Variants in KCNIP4 observed in about 807,000 individuals in gnomAD.
KCNIP4 encodes the protein potassium voltage-gated channel interacting protein 4, also known as Kv channel-interacting protein 4.
A neutral mutation model predicts 34.0 loss-of-function variants in KCNIP4; 12 were observed. The observed-to-expected ratio is 0.35, with a 90% confidence interval of 0.23 to 0.57. The LOEUF is 0.57. Among genes scored for constraint, KCNIP4 ranks in the 20% least tolerant of loss-of-function variants. The pLI is 0.83. For synonymous variants in KCNIP4, 124 were observed against 102.2 expected, an observed-to-expected ratio of 1.21 and a Z score of -1.29; for missense variants, 238 against 311.7, an observed-to-expected ratio of 0.76 and a Z score of 1.78.
At chr4:21,538,730 T>G (rs1737433880) in intron 1 of KCNIP4, among the ~76,000 whole-genome samples, 2 of 152,208 alleles carry the variant, frequency 1.3e-5, no homozygotes, top group Non-Finnish European at 2.9e-5. Context: ...GACTTGTGTT[T>G]CGGCATCTGA....
At chr4:21,914,515 C>A (rs1486602517) in intron 1 of KCNIP4, among the ~76,000 whole-genome samples, 3 of 152,108 alleles carry the variant, frequency 2.0e-5, no homozygotes, top group African/African-American at 7.2e-5. Flanking sequence ...GGTCTCTGCA[C>A]CATGTGTCTC....
chr4:21,463,040 G>T (rs1186066131), intron 1 of KCNIP4, among the ~76,000 whole-genome samples: 2 of 151,930 alleles, frequency 1.3e-5, no homozygotes, highest in African/African-American at 4.8e-5. Context: ...CCAGCAGTGG[G>T]ATTGCTGGAT....
At chr4:21,103,956 G>T (rs1270411062) in intron 1 of KCNIP4, among the ~76,000 whole-genome samples, 1 of 151,972 alleles carries the variant, frequency 6.6e-6, no homozygotes, top group South Asian at 2.1e-4. Context: ...GGTGTACATG[G>T]GCCACATTTT....
At chr4:21,203,515 A>G (rs1346747318) in intron 1 of KCNIP4, among the ~76,000 whole-genome samples, 2 of 152,176 alleles carry the variant, frequency 1.3e-5, no homozygotes, top group African/African-American at 2.4e-5. Context: ...ATGCCTCATT[A>G]AGAATGTTGT....
chr4:20,836,448 A>G (rs1719048357), intron 3 of KCNIP4, among the ~76,000 whole-genome samples: 1 of 152,180 alleles, frequency 6.6e-6, no homozygotes, highest in Non-Finnish European at 1.5e-5. Context: ...AGATGATTGG[A>G]TCTATGTCTA....
chr4:20,741,281 C>G (rs1751026479), intron 5 of KCNIP4, among the ~76,000 whole-genome samples: 1 of 152,124 alleles, frequency 6.6e-6, no homozygotes, highest in Non-Finnish European at 1.5e-5. Flanking sequence ...CTTCTCAGCA[C>G]TACGTCACAC....
At chr4:20,963,087 G>A (rs959008311) in intron 1 of KCNIP4, among the ~76,000 whole-genome samples, 2 of 151,942 alleles carry the variant, frequency 1.3e-5, no homozygotes, top group Non-Finnish European at 2.9e-5. Context: ...TTTGGGAGGC[G>A]AGGCAGGCAG....
At chr4:21,337,107 GGGCAAGGATATGGAGAGA>G (rs1716253386) in intron 1 of KCNIP4, among the ~76,000 whole-genome samples, 1 of 146,542 alleles carries the variant, frequency 6.8e-6, no homozygotes, top group South Asian at 2.1e-4. Context: ...ATAGGGAAAG[GGGCAAGGATATGGAGAGA>G]GGCAAGGATA....
At chr4:21,137,206 A>G (rs1295568892) in intron 1 of KCNIP4, among the ~76,000 whole-genome samples, 3 of 152,196 alleles carry the variant, frequency 2.0e-5, no homozygotes, top group Non-Finnish European at 2.9e-5. Flanking sequence ...GTGGTACCCG[A>G]CGACACCACC....
intron 1 of KCNIP4, among the ~76,000 whole-genome samples, chr4:21,871,105 G>A (rs1725768662): frequency 6.9e-6 from 1 of 145,004 alleles, no homozygotes; most frequent in African/African-American, 2.5e-5. Flanking sequence ...CAAGAGCCCA[G>A]TTTTTTTTTT....
At chr4:21,098,126 C>T (rs147488981) in intron 1 of KCNIP4, among the ~76,000 whole-genome samples, 1 of 152,138 alleles carries the variant, frequency 6.6e-6, no homozygotes, top group Admixed American at 6.6e-5. Flanking sequence ...TTCTTCACTT[C>T]TATGAAGGCT....
chr4:21,408,030 T>C (rs1724150368), intron 1 of KCNIP4, among the ~76,000 whole-genome samples: 1 of 152,186 alleles, frequency 6.6e-6, no homozygotes, highest in East Asian at 1.9e-4. Flanking sequence ...TTTACAGAGT[T>C]AGAAAATAGC....
At chr4:20,767,306 G>A (rs1755501668) in intron 3 of KCNIP4, 2 of 152,146 alleles carry the variant, frequency 1.3e-5, no homozygotes, top group Non-Finnish European at 2.9e-5. Context: ...AAGGAATATT[G>A]TAATTGTAAA....
At chr4:20,850,442 A>T in intron 3 of KCNIP4, 101 bp downstream of exon 3, 1 of 1,226,752 alleles carries the variant, frequency 8.2e-7, no homozygotes. Flanking sequence ...TATACATATG[A>T]TGGGGCTCTC....
In KCNIP4 at chr4:20,965,579, T is replaced by G. The variant is rs1354716457; in HGVS notation, c.62-82870A>C. Among the ~76,000 whole-genome samples, 20 of 152,230 alleles carry G rather than the reference T, an allele frequency of 1.3e-4. 1 individual carries two copies. The highest frequency in any genetic ancestry group is 1.3e-3 in the Admixed American group (20 of 15,278). ...TGTGCCCTAAAGAATAGACATATTC[T>G]GGTCTCTCTGGAGTGTGGAGAATGA... is the stretch of plus-strand genomic sequence containing the variant. On this transcript the variant is annotated intron_variant, in intron 1 of 8. Coordinates refer to ENST00000382152, the MANE Select transcript of KCNIP4 (RefSeq NM_025221.6).
chr4:21,422,790 A>G (rs774488591), intron 1 of KCNIP4, among the ~76,000 whole-genome samples: 8 of 152,108 alleles, frequency 5.3e-5, no homozygotes, highest in Non-Finnish European at 7.3e-5. Context: ...ACACAGTGCC[A>G]CACGGACAGA....
At chr4:21,085,260 A>G (rs942989611) in intron 1 of KCNIP4, among the ~76,000 whole-genome samples, 2 of 152,154 alleles carry the variant, frequency 1.3e-5, no homozygotes, top group Non-Finnish European at 2.9e-5. Flanking sequence ...ATGAGGATAC[A>G]TGCAGCTATC....
intron 1 of KCNIP4, among the ~76,000 whole-genome samples, chr4:21,744,078 T>G (rs183983350): frequency 1.3e-5 from 2 of 152,260 alleles, no homozygotes; most frequent in African/African-American, 4.8e-5. Context: ...GAGCTACTAC[T>G]GCAATGTCAA....
chr4:21,602,824 G>T (rs959127613), intron 1 of KCNIP4, among the ~76,000 whole-genome samples: 1 of 151,964 alleles, frequency 6.6e-6, no homozygotes, highest in African/African-American at 2.4e-5. Context: ...CTTAGTTCAA[G>T]GGAGGTACTT....
Sources: gnomAD v4.1 joint callset for allele counts (sites outside exome capture counted in the v4.1 genomes callset) on GRCh38, gnomAD v4.1.1 for gene constraint, MANE v1.5 for transcripts, NCBI Gene and HGNC (gene_info 2026-07-23, HGNC 2026-07-21) for gene names.